Variants in LINGO2 observed in about 807,000 individuals in gnomAD.
LINGO2 encodes the protein leucine-rich repeat and immunoglobulin-like domain-containing nogo receptor-interacting protein 2.
Under a neutral mutation model 30.6 loss-of-function variants are expected in LINGO2, and 14 were observed. The ratio of observed to expected loss-of-function variants is 0.46; its 90% CI spans 0.30 to 0.72. The LOEUF is 0.72. Among genes scored for constraint, LINGO2 ranks in the 30% least tolerant of loss-of-function variants. The probability of loss-of-function intolerance (pLI) is 0.07; values close to 1 mark genes in which losing one functional copy is unlikely to be tolerated. For synonymous variants in LINGO2, 317 were observed against 288.5 expected (o/e 1.10, Z -1.00); for missense variants, 729 against 751.7 (o/e 0.97, Z 0.35).
intron 1 of LINGO2, among the ~76,000 whole-genome samples, chr9:28,507,567 A>G (rs10429498): frequency 0.53 from 80,154 of 151,934 alleles, 21,988 homozygotes; most frequent in Non-Finnish European, 0.6. Flanking sequence ...TCTGGCAACA[A>G]AAGATGTCCA....
chr9:28,288,576 G>A (rs1327073831), intron 4 of LINGO2, among the ~76,000 whole-genome samples: 1 of 152,056 alleles, frequency 6.6e-6, no homozygotes, highest in African/African-American at 2.4e-5. Context: ...TCTTTGGTAG[G>A]TGTGAACTAC....
At chr9:28,241,267 C>CAAAAAAAAAAAAAAAAAAAAAAA (rs1164724626) in intron 4 of LINGO2, among the ~76,000 whole-genome samples, 1 of 83,606 alleles carries the variant, frequency 1.2e-5, no homozygotes, top group Non-Finnish European at 2.3e-5. Flanking sequence ...GACCCTGTCT[C>CAAAAAAAAAAAAAAAAAAAAAAA]AAAAAAAAAA....
At chr9:28,436,366 C>T (rs1051742792) in intron 2 of LINGO2, among the ~76,000 whole-genome samples, 2 of 151,962 alleles carry the variant, frequency 1.3e-5, no homozygotes, top group African/African-American at 4.8e-5. Context: ...CGGTGATTGT[C>T]AGGATTCTGG....
chr9:28,702,428 T>C, the LINGO2 span, among the ~76,000 whole-genome samples: 2 of 151,870 alleles, frequency 1.3e-5, no homozygotes, highest in African/African-American at 4.8e-5. Flanking sequence ...GTAACATTAA[T>C]AGATTTTTCA....
the LINGO2 span, among the ~76,000 whole-genome samples, chr9:28,868,432 G>A: frequency 6.6e-6 from 1 of 151,980 alleles, no homozygotes; most frequent in Non-Finnish European, 1.5e-5. Flanking sequence ...CATGCATGTG[G>A]TTATGTGTGT....
At chr9:28,512,589 GTGTGTATATA>G (rs1290226474) in intron 1 of LINGO2, among the ~76,000 whole-genome samples, 4 of 2,990 alleles carry the variant, frequency 1.3e-3, no homozygotes, top group African/African-American at 2.9e-3. Flanking sequence ...GGATATATAT[GTGTGTATATA>G]TATATATATA....
the LINGO2 span, among the ~76,000 whole-genome samples, chr9:28,779,011 A>G: frequency 6.6e-6 from 1 of 152,160 alleles, no homozygotes; most frequent in African/African-American, 2.4e-5. Flanking sequence ...AATAAAACCC[A>G]TATCTATTCT....
intron 2 of LINGO2, among the ~76,000 whole-genome samples, chr9:28,411,069 C>T (rs961078213): frequency 9.9e-5 from 15 of 152,042 alleles, no homozygotes; most frequent in Non-Finnish European, 1.5e-5. Flanking sequence ...TTAAGACAAG[C>T]TAGAACTTAT....
intron 1 of LINGO2, among the ~76,000 whole-genome samples, chr9:28,519,224 T>C (rs933316671): frequency 3.3e-5 from 5 of 151,758 alleles, no homozygotes; most frequent in Non-Finnish European, 5.9e-5. Context: ...TTAGTAGAGA[T>C]GGGGTTTCAT....
At chr9:29,047,286 A>C in the LINGO2 span, among the ~76,000 whole-genome samples, 1 of 152,168 alleles carries the variant, frequency 6.6e-6, no homozygotes, top group African/African-American at 2.4e-5. Context: ...CATGCAGCAA[A>C]CAATCATATG....
At chr9:28,862,562 T>C in the LINGO2 span, among the ~76,000 whole-genome samples, 1 of 152,068 alleles carries the variant, frequency 6.6e-6, no homozygotes, top group Non-Finnish European at 1.5e-5. Flanking sequence ...ATATGCATAA[T>C]CCACTTCTAA....
intron 1 of LINGO2, among the ~76,000 whole-genome samples, chr9:28,615,777 G>A (rs1045945447): frequency 1.3e-5 from 2 of 151,966 alleles, no homozygotes; most frequent in African/African-American, 4.8e-5. Context: ...GACAGTTTGG[G>A]GGCATATAAA....
At chr9:28,876,079 T>C in the LINGO2 span, among the ~76,000 whole-genome samples, 12 of 152,198 alleles carry the variant, frequency 7.9e-5, no homozygotes, top group African/African-American at 2.4e-4. Context: ...TTAACATAAC[T>C]CTGCTGGGTC....
intron 2 of LINGO2, among the ~76,000 whole-genome samples, chr9:28,398,878 C>G (rs1822154274): frequency 6.6e-6 from 1 of 152,116 alleles, no homozygotes; most frequent in Non-Finnish European, 1.5e-5. Flanking sequence ...CACTTAACCC[C>G]TTTTCGTCTT....
intron 4 of LINGO2, among the ~76,000 whole-genome samples, chr9:28,179,715 T>G (rs1197655162): frequency 2.8e-5 from 4 of 144,114 alleles, no homozygotes; most frequent in Non-Finnish European, 4.5e-5. Flanking sequence ...TCTCTATATA[T>G]AGAGTATATA....
intron 2 of LINGO2, among the ~76,000 whole-genome samples, chr9:28,403,602 G>T (rs1822363794): frequency 6.6e-6 from 1 of 150,672 alleles, no homozygotes; most frequent in East Asian, 1.9e-4. Flanking sequence ...TGTTCTCAAA[G>T]AATGACTAAA....
intron 4 of LINGO2, among the ~76,000 whole-genome samples, chr9:28,253,369 C>T (rs1370443611): frequency 6.6e-6 from 1 of 152,034 alleles, no homozygotes; most frequent in Admixed American, 6.6e-5. Context: ...AAGGCATGAC[C>T]CTTGACTTGT....
chr9:28,571,820 T>G (rs1426391041), intron 1 of LINGO2, among the ~76,000 whole-genome samples: 1 of 152,064 alleles, frequency 6.6e-6, no homozygotes, highest in Non-Finnish European at 1.5e-5. Context: ...TAAGACAATG[T>G]TCCGAACATC....
chr9:28,013,934 C>G lies in LINGO2; in HGVS notation c.-86-1529G>C, dbSNP rs187370052. Among the ~76,000 whole-genome samples, 10 of 152,238 alleles carry G rather than the reference C, an allele frequency of 6.6e-5. No homozygotes were observed. In the South Asian group the frequency reaches 1.5e-3, roughly 22 times the overall value. ...GCCGTTATTTTCTTTTCAATTCTTT[C>G]TGCAGTTCCTAGAAAGAAATCAAAC... On this transcript the variant is annotated intron_variant, in intron 4 of 5. Transcript: ENST00000379992.
Sources: allele counts gnomAD v4.1 joint callset (sites outside exome capture counted in the v4.1 genomes callset), GRCh38; gene constraint gnomAD v4.1.1; transcripts MANE v1.5; gene names NCBI Gene and HGNC (gene_info 2026-07-23, HGNC 2026-07-21).